Variants in APC observed in about 807,000 individuals in gnomAD.
APC encodes APC regulator of Wnt signaling pathway.
APC carries 72 observed loss-of-function variants against 247.0 expected under a neutral mutation model. The observed-to-expected ratio is 0.29, with a 90% CI of 0.24 to 0.35. The LOEUF (loss-of-function observed/expected upper bound fraction) is 0.35. APC is among the 10% of genes least tolerant of loss of function. The pLI is 1.00. For synonymous variants in APC, 1,254 were observed against 1,162.5 expected (o/e 1.08, Z -1.60); for missense variants, 3,400 against 3,360.7 (o/e 1.01, Z -0.29).
At chr5:112,814,136 CT>C (rs1373356430) in intron 8 of APC, among the ~76,000 whole-genome samples, 2 of 152,234 alleles carry the variant, frequency 1.3e-5, no homozygotes, top group Non-Finnish European at 2.9e-5. Flanking sequence ...TACATTTTAG[CT>C]TTCCATTCTG....
intron 6 of APC, among the ~76,000 whole-genome samples, chr5:112,787,142 C>T (rs1246002756): frequency 6.6e-6 from 1 of 152,134 alleles, no homozygotes; most frequent in Non-Finnish European, 1.5e-5. Context: ...CCTGCCTCAG[C>T]CTCCCAAAAT....
chr5:112,765,411 C>T (rs1465595378), intron 2 of APC, among the ~76,000 whole-genome samples: 1 of 152,122 alleles, frequency 6.6e-6, no homozygotes, highest in Non-Finnish European at 1.5e-5. Flanking sequence ...ACCATGAATG[C>T]TTACAATGTC....
chr5:112,837,308 A>C (rs187989289), intron 15 of APC, among the ~76,000 whole-genome samples: 86 of 152,336 alleles, frequency 5.6e-4, no homozygotes, highest in African/African-American at 2.0e-3. Context: ...GTTTTAAGCT[A>C]TTGGGTCAGA....
chr5:112,830,284 A>G (rs1764165721), intron 14 of APC, among the ~76,000 whole-genome samples: 1 of 152,234 alleles, frequency 6.6e-6, no homozygotes, highest in Non-Finnish European at 1.5e-5. Flanking sequence ...TAAGAAAAGA[A>G]CATGGCCGAT....
rs774952444 is a variant in APC at position 112,843,167 on chromosome 5, C to A, written c.7573C>A (p.Arg2525Ser). Residue 2525 changes from arginine to serine, a missense_variant, in exon 16 of 16, where the codon CGC becomes AGC. Arg to Ser is a moderately radical substitution (Grantham distance 110). Coordinates refer to ENST00000257430, the MANE Select transcript of APC (RefSeq NM_000038.6). This position sits in a 1 kb window ranked among gnomAD's most constrained non-coding sequence, Gnocchi z 4.8. The stretch of plus-strand genomic sequence containing the variant: ...GTATAATGATGGAAGACCAGCAAAG[C>A]GCCATGATATTGCACGGTCTCATTC... The part of the protein sequence containing the change: ...IEYNDGRPAK[R>S]HDIARSHSES... 1 of 1,613,392 alleles carries A rather than the reference C, an allele frequency of 6.2e-7. No individual in the cohort carries two copies. The highest frequency in any genetic ancestry group is 2.2e-5 in the East Asian group (1 of 44,868).
At position 112,817,363 on chromosome 5, in the gene APC, A is replaced by T. The variant is rs550916752; in HGVS notation, c.934-1603A>T. On this transcript the variant is annotated intron_variant, in intron 9 of 15. Transcript: ENST00000257430. ...TAATGTTGATTTAAGTAATGATTTT[A>T]GAATAATCAATGATATTCTCACTAT... Among the ~76,000 whole-genome samples the T allele has an allele frequency of 7.0e-4, 107 of 152,344 alleles. 1 individual carries two copies. In the South Asian group the frequency reaches 8.3e-3, roughly 12 times the overall value.
At chr5:112,803,578 A>T (rs1761058393) in intron 8 of APC, among the ~76,000 whole-genome samples, 1 of 152,202 alleles carries the variant, frequency 6.6e-6, no homozygotes. Context: ...TAAATGCAAG[A>T]TACCCTTAAC....
At chr5:112,830,226 C>G (rs1474061886) in intron 14 of APC, among the ~76,000 whole-genome samples, 2 of 152,074 alleles carry the variant, frequency 1.3e-5, no homozygotes, top group Non-Finnish European at 2.9e-5. Flanking sequence ...ATATACTTAG[C>G]ATCTGCATAA....
Position 112,842,293 on chromosome 5 carries a change from T to A in APC, c.6699T>A (p.Ile2233=). 6.2e-7 allele frequency: 1 copy of A among 1,613,926 alleles called. No homozygotes were observed. Among genetic ancestry groups the A allele is most frequent in the Non-Finnish European group, 8.5e-7 (1 of 1,179,868 alleles). ...CTCGAGGCAGGACAATGATTCATAT[T>A]CCAGGAGTTCGAAATAGCTCCTCAA... ...SISRGRTMIH[I]PGVRNSSSST... Residue 2233 remains isoleucine, a synonymous_variant, in exon 16 of 16, where the codon ATT becomes ATA. Coordinates refer to ENST00000257430, the MANE Select transcript of APC (RefSeq NM_000038.6).
At chr5:112,794,040 C>T in intron 7 of APC, among the ~76,000 whole-genome samples, 1 of 83,548 alleles carries the variant, frequency 1.2e-5, no homozygotes, top group South Asian at 5.0e-4. Context: ...AACTAAGTCT[C>T]TTAAAAAAAA....
intron 1 of APC, among the ~76,000 whole-genome samples, chr5:112,715,691 A>G (rs915696194): frequency 2.0e-5 from 3 of 152,192 alleles, no homozygotes; most frequent in Non-Finnish European, 4.4e-5. Flanking sequence ...TATGGGGTAC[A>G]TGTTATATTT....
chr5:112,817,213 T>C (rs551735928), intron 9 of APC, among the ~76,000 whole-genome samples: 1 of 152,318 alleles, frequency 6.6e-6, no homozygotes, highest in Non-Finnish European at 1.5e-5. Flanking sequence ...GAAATTCTAA[T>C]ATTACTAAAC....
At chr5:112,801,149 C>T (rs77553156) in intron 7 of APC, 130 bp from the exon 8 acceptor site, 2 of 665,216 alleles carry the variant, frequency 3.0e-6, no homozygotes, top group Non-Finnish European at 5.4e-6. Context: ...GTGTAATACA[C>T]AGTTCCATGC....
chr5:112,732,627 G>A (rs969170735), intron 1 of APC, among the ~76,000 whole-genome samples: 1 of 152,182 alleles, frequency 6.6e-6, no homozygotes, highest in African/African-American at 2.4e-5. Context: ...GAACACCTAT[G>A]TAGAAAACAT....
In APC at chr5:112,818,299, C is replaced by G. The variant is rs563556; in HGVS notation, c.934-667C>G. 0.66 allele frequency among the ~76,000 whole-genome samples: 99,780 copies of G among 152,086 alleles called. 33,137 individuals carry two copies. Among genetic ancestry groups the G allele is most frequent in the East Asian group, 0.9 (4,676 of 5,190 alleles). ...TTTCCGGTTTCTAATCTGCTTCTAA[C>G]TAAATACGTAGAATTTATTGTCAGA... is the stretch of plus-strand genomic sequence containing the variant. On this transcript the variant is annotated intron_variant, in intron 9 of 15. Transcript: ENST00000257430.
intron 1 of APC, among the ~76,000 whole-genome samples, chr5:112,739,448 G>A (rs1022603420): frequency 8.5e-5 from 13 of 152,164 alleles, no homozygotes; most frequent in East Asian, 1.9e-4. Flanking sequence ...AAGATAATGC[G>A]GAATTGGGCT....
intron 7 of APC, among the ~76,000 whole-genome samples, chr5:112,795,636 A>C (rs1193064943): frequency 1.3e-5 from 2 of 152,210 alleles, no homozygotes; most frequent in Non-Finnish European, 2.9e-5. Flanking sequence ...CTCAGGTACA[A>C]ATGAACAAAG....
intron 8 of APC, among the ~76,000 whole-genome samples, chr5:112,814,647 A>G (rs1037176537): frequency 3.3e-5 from 5 of 151,938 alleles, no homozygotes; most frequent in African/African-American, 1.2e-4. Flanking sequence ...CTCATTTCCT[A>G]CCTGTGATCT....
At chr5:112,715,207 C>T (rs80009142) in intron 1 of APC, among the ~76,000 whole-genome samples, 1 of 152,134 alleles carries the variant, frequency 6.6e-6, no homozygotes, top group African/African-American at 2.4e-5. Flanking sequence ...ATTAATTGAA[C>T]AAATATTTTT....
Sources: allele counts gnomAD v4.1 joint callset (sites outside exome capture counted in the v4.1 genomes callset), GRCh38; gene constraint gnomAD v4.1.1; non-coding constraint Gnocchi (gnomAD v3.1); transcripts MANE v1.5; gene names NCBI Gene and HGNC (gene_info 2026-07-23, HGNC 2026-07-21).